The following CCSER1 variants were observed in gnomAD, a reference collection of about 807,000 sequenced individuals.
CCSER1 encodes the protein coiled-coil serine rich protein 1, also known as serine-rich coiled-coil domain-containing protein 1.
Under a neutral mutation model 82.0 loss-of-function variants are expected in CCSER1, and 41 were observed. The observed-to-expected ratio is 0.50, with a 90% CI of 0.39 to 0.65. CCSER1 has a LOEUF of 0.65. Among genes scored for constraint, CCSER1 ranks in the 30% least tolerant of loss-of-function variants. The probability of loss-of-function intolerance (pLI) is 0.00; values close to 1 mark genes in which losing one functional copy is unlikely to be tolerated. For missense variants in CCSER1, 1,119 were observed against 1,064.2 expected, an observed-to-expected ratio of 1.05 and a Z score of -0.72; for synonymous variants, 414 against 383.9, an observed-to-expected ratio of 1.08 and a Z score of -0.92.
intron 10 of CCSER1, among the ~76,000 whole-genome samples, chr4:91,462,965 T>A (rs1411290375): frequency 6.6e-6 from 1 of 152,112 alleles, no homozygotes; most frequent in Admixed American, 6.5e-5. Context: ...AGCAGAAACT[T>A]CTGCAGACTT....
intron 1 of CCSER1, among the ~76,000 whole-genome samples, chr4:90,288,380 A>G (rs1578975205): frequency 1.3e-5 from 2 of 151,894 alleles, no homozygotes; most frequent in Admixed American, 6.6e-5. Flanking sequence ...CACCACCTCC[A>G]TACTTGTCTT....
chr4:90,781,316 A>G (rs1010431977), intron 7 of CCSER1: 4 of 984,850 alleles, frequency 4.1e-6, no homozygotes, highest in Non-Finnish European at 4.8e-6. Context: ...CTCAAAAAAT[A>G]GTGATTCATC....
rs369973722 is a variant in CCSER1 at position 91,359,612 on chromosome 4, C to T, written c.2218-238960C>T. On this transcript the variant is annotated intron_variant, in intron 10 of 10. Transcript: ENST00000509176. Reference sequence around the variant, plus strand: ...CAGAAGATAACAACAATATCTCAAGCGATTAGTATCTCAGATCTCATAATT... The same window carrying T: ...CAGAAGATAACAACAATATCTCAAGTGATTAGTATCTCAGATCTCATAATT... Among the ~76,000 whole-genome samples the T allele has an allele frequency of 7.9e-5, 12 of 151,350 alleles. No homozygotes were observed. The East Asian group carries it at 9.7e-4, about 12-fold the overall frequency.
At chr4:90,446,910 C>T (rs942279618) in intron 4 of CCSER1, among the ~76,000 whole-genome samples, 1 of 152,140 alleles carries the variant, frequency 6.6e-6, no homozygotes, top group African/African-American at 2.4e-5. Flanking sequence ...TACATTTTCT[C>T]TTCCTTATGA....
At chr4:90,544,086 T>C (rs555741491) in intron 5 of CCSER1, among the ~76,000 whole-genome samples, 5 of 152,198 alleles carry the variant, frequency 3.3e-5, no homozygotes, top group Admixed American at 6.5e-5. Context: ...GACTACCGGA[T>C]GAGGGCCAGG....
intron 5 of CCSER1, among the ~76,000 whole-genome samples, chr4:90,483,557 G>T (rs369822428): frequency 2.3e-4 from 35 of 152,294 alleles, no homozygotes; most frequent in East Asian, 1.5e-3. Context: ...AGGTCTTTCA[G>T]GGCAGGCCTG....
At chr4:91,212,351 T>C (rs939187475) in intron 10 of CCSER1, among the ~76,000 whole-genome samples, 1 of 152,058 alleles carries the variant, frequency 6.6e-6, no homozygotes, top group African/African-American at 2.4e-5. Flanking sequence ...GTTTGGAATG[T>C]GGAGATGCAT....
At chr4:91,341,733 G>A (rs1358857083) in intron 10 of CCSER1, among the ~76,000 whole-genome samples, 1 of 152,152 alleles carries the variant, frequency 6.6e-6, no homozygotes, top group African/African-American at 2.4e-5. Context: ...GGTGGAAACA[G>A]GGTTTCACCA....
chr4:90,946,184 C>T (rs1334249346), intron 9 of CCSER1, among the ~76,000 whole-genome samples: 1 of 152,094 alleles, frequency 6.6e-6, no homozygotes, highest in Non-Finnish European at 1.5e-5. Flanking sequence ...TGAGCAAATA[C>T]AAGATACTTT....
At chr4:90,949,290 T>C (rs1732628082) in intron 9 of CCSER1, among the ~76,000 whole-genome samples, 2 of 152,120 alleles carry the variant, frequency 1.3e-5, no homozygotes, top group Non-Finnish European at 2.9e-5. Flanking sequence ...ATCAAATATT[T>C]AAGAATTTCT....
intron 10 of CCSER1, among the ~76,000 whole-genome samples, chr4:91,382,954 C>T (rs1186290743): frequency 1.3e-5 from 2 of 151,690 alleles, no homozygotes; most frequent in Non-Finnish European, 1.5e-5. Flanking sequence ...GACTGTCCAC[C>T]AGAAAAAAGA....
chr4:91,228,411 T>C (rs1333285265), intron 10 of CCSER1, among the ~76,000 whole-genome samples: 2 of 151,992 alleles, frequency 1.3e-5, no homozygotes, highest in African/African-American at 4.8e-5. Context: ...TTTCAATTTC[T>C]TGCATAAGTT....
At chr4:91,503,938 C>T (rs1759353263) in intron 10 of CCSER1, among the ~76,000 whole-genome samples, 1 of 152,154 alleles carries the variant, frequency 6.6e-6, no homozygotes, top group Non-Finnish European at 1.5e-5. Context: ...ATAAGTACCA[C>T]TAAATTGCAT....
At chr4:90,584,939 G>T (rs1407943952) in intron 5 of CCSER1, among the ~76,000 whole-genome samples, 5 of 152,048 alleles carry the variant, frequency 3.3e-5, no homozygotes, top group Admixed American at 6.5e-5. Flanking sequence ...AAACTAAAAT[G>T]AAAGCCACAT....
intron 7 of CCSER1, among the ~76,000 whole-genome samples, chr4:90,776,454 A>T (rs977298599): frequency 6.6e-6 from 1 of 152,244 alleles, no homozygotes; most frequent in African/African-American, 2.4e-5. Context: ...TTTGAACACA[A>T]ATCCTTATTT....
intron 1 of CCSER1, among the ~76,000 whole-genome samples, chr4:90,210,616 T>A (rs537776689): frequency 6.6e-6 from 1 of 152,138 alleles, no homozygotes; most frequent in East Asian, 1.9e-4. Flanking sequence ...GTTAATTTTT[T>A]AAATTATTTG....
intron 10 of CCSER1, among the ~76,000 whole-genome samples, chr4:91,267,794 C>A (rs1182552343): frequency 1.3e-5 from 2 of 152,162 alleles, no homozygotes; most frequent in African/African-American, 4.8e-5. Context: ...TTTGGCTGTG[C>A]CTTGGGAAAT....
At chr4:90,937,434 A>G (rs76777028) in intron 9 of CCSER1, among the ~76,000 whole-genome samples, 2,823 of 152,016 alleles carry the variant, frequency 0.019, 96 homozygotes, top group African/African-American at 0.065. Flanking sequence ...AAAATAAAAA[A>G]TAAATGCAAA....
intron 1 of CCSER1, among the ~76,000 whole-genome samples, chr4:90,146,632 T>C (rs1725857346): frequency 6.6e-6 from 1 of 152,084 alleles, no homozygotes; most frequent in Non-Finnish European, 1.5e-5. Context: ...GTTATCGAAA[T>C]TGGCTTAGTG....
Sources: allele counts gnomAD v4.1 joint callset (sites outside exome capture counted in the v4.1 genomes callset), GRCh38; gene constraint gnomAD v4.1.1; transcripts MANE v1.5; gene names NCBI Gene and HGNC (gene_info 2026-07-23, HGNC 2026-07-21).